The following METTL15 variants were observed in gnomAD, a reference collection of about 807,000 sequenced individuals.
METTL15 encodes the protein methyltransferase 15, mitochondrial 12S rRNA N4-cytidine.
In METTL15, 34 loss-of-function variants were observed where a neutral mutation model predicts 38.3. The observed-to-expected ratio is 0.89, with a 90% CI of 0.68 to 1.18. The LOEUF is 1.18. Ranked by LOEUF, METTL15 falls within the 50% of genes most tolerant of loss-of-function variation. The pLI, the probability that METTL15 is intolerant of heterozygous loss-of-function variation, is 0.00. For synonymous variants in METTL15, 162 were observed against 170.9 expected (o/e 0.95, Z 0.41); for missense variants, 438 against 498.4 (o/e 0.88, Z 1.15).
rs150449536 is a variant in METTL15, at chr11:28,359,323, C to T, written c.*259-2614C>T. Among the ~76,000 whole-genome samples the T allele has an allele frequency of 1.3e-3, 193 of 152,234 alleles. 1 individual carries two copies. Among genetic ancestry groups the T allele is most frequent in the African/African-American group, 4.1e-3 (171 of 41,536 alleles). On this transcript the variant is annotated intron_variant and NMD_transcript_variant, in intron 4 of 7. Transcript: ENST00000532947. The stretch of plus-strand genomic sequence containing the variant: ...GTGTATGTACCATGTTTTCTTTATC[C>T]GATATACCGTTGATGGGCACCTAGG...
chr11:28,374,861 A>G (rs1850288590), intron 5 of METTL15, among the ~76,000 whole-genome samples: 1 of 150,422 alleles, frequency 6.6e-6, no homozygotes, highest in Non-Finnish European at 1.5e-5. Flanking sequence ...ATTTATTGAG[A>G]GTTTTTAGCA....
chr11:28,306,766 C>A (rs543148828), intron 6 of METTL15, among the ~76,000 whole-genome samples: 1 of 151,932 alleles, frequency 6.6e-6, no homozygotes, highest in African/African-American at 2.4e-5. Flanking sequence ...AATGGATTGA[C>A]AAAGATCAAA....
intron 6 of METTL15, among the ~76,000 whole-genome samples, chr11:28,460,169 C>A (rs1403992845): frequency 6.6e-6 from 1 of 151,998 alleles, no homozygotes; most frequent in East Asian, 1.9e-4. Context: ...TTGGAGGCTT[C>A]TCCCTCACTA....
intron 5 of METTL15, among the ~76,000 whole-genome samples, chr11:28,411,649 G>A (rs1850725391): frequency 7.0e-6 from 1 of 143,318 alleles, no homozygotes; most frequent in South Asian, 2.3e-4. Flanking sequence ...AGAAGACATA[G>A]GAGAAAAGCT....
chr11:28,251,342 A>C (rs1854734202), intron 4 of METTL15, among the ~76,000 whole-genome samples: 1 of 152,096 alleles, frequency 6.6e-6, no homozygotes, highest in African/African-American at 2.4e-5. Flanking sequence ...CCCTCTCAGC[A>C]GTAAATTTTG....
intron 3 of METTL15, among the ~76,000 whole-genome samples, chr11:28,131,179 A>G (rs758629591): frequency 4.6e-5 from 7 of 152,186 alleles, no homozygotes; most frequent in Non-Finnish European, 1.0e-4. Flanking sequence ...ATTAGACCCA[A>G]GGAGAAAGCT....
chr11:28,221,312 G>C (rs543064066), intron 4 of METTL15, among the ~76,000 whole-genome samples: 10 of 152,026 alleles, frequency 6.6e-5, no homozygotes, highest in Admixed American at 3.3e-4. Context: ...TCATTCATTT[G>C]ATCTTCCATC....
intron 3 of METTL15, among the ~76,000 whole-genome samples, chr11:28,162,352 A>G (rs1365449031): frequency 4.6e-5 from 7 of 152,212 alleles, no homozygotes; most frequent in African/African-American, 1.7e-4. Context: ...GGTAGGTAGT[A>G]TCACAGGTTT....
At chr11:28,367,073 A>G (rs1017962332) in intron 5 of METTL15, among the ~76,000 whole-genome samples, 1 of 152,188 alleles carries the variant, frequency 6.6e-6, no homozygotes, top group Non-Finnish European at 1.5e-5. Context: ...TGTCTCAGGA[A>G]AGAGAAGACT....
chr11:28,115,848 G>A (rs1263829926), intron 3 of METTL15, among the ~76,000 whole-genome samples: 1 of 151,592 alleles, frequency 6.6e-6, no homozygotes, highest in African/African-American at 2.4e-5. Flanking sequence ...AATCGTGTGT[G>A]TGTGTGTATA....
chr11:28,427,764 G>A (rs528493821), intron 6 of METTL15, among the ~76,000 whole-genome samples: 15 of 152,308 alleles, frequency 9.8e-5, no homozygotes, highest in African/African-American at 3.6e-4. Flanking sequence ...GAATGCTAGC[G>A]ATTTTCGCAC....
At chr11:28,237,150 C>T (rs1056831681) in intron 4 of METTL15, among the ~76,000 whole-genome samples, 7 of 152,054 alleles carry the variant, frequency 4.6e-5, no homozygotes, top group African/African-American at 1.7e-4. Context: ...TGTTGGCCTG[C>T]CTTGCTAGTT....
At position 28,296,930 on chromosome 11, in the gene METTL15, A is replaced by C; in HGVS notation, c.777A>C (p.Ala259=). 2.5e-6 allele frequency: 4 copies of C among 1,613,346 alleles called. No homozygotes were observed. The highest frequency in any genetic ancestry group is 3.4e-6 in the Non-Finnish European group (4 of 1,179,578). ...TRTQQLASIV[A]GAFPPSAIYT... ...CCCAGCAGCTTGCCAGCATCGTTGC[A>C]GGTAGCCTCATTAATTCTCAACAGT... Residue 259 remains alanine, a splice_region_variant and synonymous_variant, in exon 6 of 7, where the codon GCA becomes GCC. Transcript: ENST00000407364.
chr11:28,364,228 G>A (rs1309784624), intron 5 of METTL15, among the ~76,000 whole-genome samples: 1 of 152,116 alleles, frequency 6.6e-6, no homozygotes, highest in Non-Finnish European at 1.5e-5. Flanking sequence ...AATGACATTG[G>A]TATTTTGATA....
intron 6 of METTL15, among the ~76,000 whole-genome samples, chr11:28,304,237 C>T (rs1445347507): frequency 6.6e-6 from 1 of 151,996 alleles, no homozygotes; most frequent in Non-Finnish European, 1.5e-5. Context: ...GATGTTCTTC[C>T]CTTAGGAGTT....
chr11:28,502,155 C>G (rs951639176), intron 6 of METTL15, among the ~76,000 whole-genome samples: 1 of 150,932 alleles, frequency 6.6e-6, no homozygotes. Context: ...AAACCATAGA[C>G]CCCCTTATAT....
intron 6 of METTL15, among the ~76,000 whole-genome samples, chr11:28,302,781 C>T (rs780541184): frequency 3.3e-5 from 5 of 152,124 alleles, no homozygotes; most frequent in Admixed American, 6.6e-5. Context: ...CCCTCTAGTA[C>T]TTTATTCATC....
intron 2 of METTL15, among the ~76,000 whole-genome samples, chr11:28,112,010 G>C: frequency 6.6e-6 from 1 of 152,056 alleles, no homozygotes; most frequent in East Asian, 1.9e-4. Context: ...CAATTCTGCA[G>C]ATTATAGCTT....
intron 6 of METTL15, among the ~76,000 whole-genome samples, chr11:28,445,192 A>G (rs1851065324): frequency 6.6e-6 from 1 of 152,184 alleles, no homozygotes; most frequent in Non-Finnish European, 1.5e-5. Context: ...CAGTGTTTCA[A>G]CATTAACGTC....
Sources: gnomAD v4.1 joint callset for allele counts (sites outside exome capture counted in the v4.1 genomes callset) on GRCh38, gnomAD v4.1.1 for gene constraint, MANE v1.5 for transcripts, NCBI Gene and HGNC (gene_info 2026-07-23, HGNC 2026-07-21) for gene names.